RSU1: variants seen among roughly 807,000 people sequenced by gnomAD.
RSU1 encodes Ras suppressor protein 1.
In RSU1, 26 loss-of-function variants were observed where a neutral mutation model predicts 31.1. The ratio of observed to expected loss-of-function variants is 0.84; its 90% confidence interval spans 0.61 to 1.16. The LOEUF is 1.16. RSU1 is among the 50% of genes most tolerant of loss of function. The pLI is 0.00. For synonymous variants in RSU1, 164 were observed against 136.3 expected, an observed-to-expected ratio of 1.20 and a Z score of -1.41; for missense variants, 320 against 339.1, an observed-to-expected ratio of 0.94 and a Z score of 0.44.
rs77738803 is a variant in RSU1, at chr10:16,727,160, A to G, written c.598+25379T>C. 103 of 456,554 alleles carry G rather than the reference A, an allele frequency of 2.3e-4. 1 individual carries two copies. Among genetic ancestry groups the G allele is most frequent in the African/African-American group, 1.9e-3 (94 of 50,190 alleles). 28.3% of individuals were successfully genotyped at this position (456,554 alleles called of 1,614,324 possible). A position where few individuals can be genotyped will look rare whatever the true frequency, so the allele number is the denominator to read the frequency against. On this transcript the variant is annotated intron_variant, in intron 7 of 8. Coordinates refer to ENST00000345264, the MANE Select transcript of RSU1 (RefSeq NM_012425.4). ...CAGGATGTGGCCTCCCATCTTACCT[A>G]TAGTGACAGGAGTCATTGACTTCAG...
chr10:16,792,127 T>G (rs1432812929), intron 2 of RSU1, among the ~76,000 whole-genome samples: 1 of 152,190 alleles, frequency 6.6e-6, no homozygotes, highest in African/African-American at 2.4e-5. Flanking sequence ...AATGAAAGGT[T>G]CTGTAACGTT....
intron 8 of RSU1, 126 bp downstream of exon 8, chr10:16,694,897 A>T (rs1356560513): frequency 1.1e-6 from 1 of 900,214 alleles, no homozygotes; most frequent in Non-Finnish European, 1.6e-6. Context: ...GTTTTTAATA[A>T]AACATCTTAA....
chr10:16,754,654 G>T (rs1458298208), intron 5 of RSU1, among the ~76,000 whole-genome samples: 1 of 149,386 alleles, frequency 6.7e-6, no homozygotes, highest in Non-Finnish European at 1.5e-5. Context: ...ATGTTAATAT[G>T]ACATTACTAA....
intron 2 of RSU1, among the ~76,000 whole-genome samples, chr10:16,800,056 G>A (rs1838119269): frequency 6.6e-6 from 1 of 152,122 alleles, no homozygotes; most frequent in African/African-American, 2.4e-5. Context: ...TAAGAGAAAA[G>A]GGGAGGAAAA....
In RSU1 at chr10:16,640,324, C is replaced by T. The variant is rs190360679; in HGVS notation, c.732-46828G>A. On this transcript the variant is annotated intron_variant, in intron 8 of 8. Coordinates refer to ENST00000345264, the MANE Select transcript of RSU1 (RefSeq NM_012425.4). ...CACTTAGGTGCTGCCAAATTCTCAA[C>T]CCTAAGTAACTTTGTTAACCTCTTC... Among the ~76,000 whole-genome samples, 124 of 152,198 alleles carry T rather than the reference C, an allele frequency of 8.1e-4. 1 individual carries two copies. The highest frequency in any genetic ancestry group is 3.4e-3 in the Middle Eastern group (1 of 294).
intron 8 of RSU1, among the ~76,000 whole-genome samples, chr10:16,661,446 A>G (rs377415524): frequency 2.0e-5 from 3 of 152,264 alleles, no homozygotes; most frequent in East Asian, 3.9e-4. Context: ...GAGTTCCACC[A>G]ATTTGGAAAC....
chr10:16,677,321 G>C (rs969349337), intron 8 of RSU1, among the ~76,000 whole-genome samples: 2 of 152,158 alleles, frequency 1.3e-5, no homozygotes, highest in Non-Finnish European at 2.9e-5. Context: ...ATTCTGTAAA[G>C]AATTCACCAG....
chr10:16,806,258 T>C (rs1160067989), intron 2 of RSU1, among the ~76,000 whole-genome samples: 2 of 152,206 alleles, frequency 1.3e-5, no homozygotes, highest in Non-Finnish European at 2.9e-5. Flanking sequence ...CCATGGCTTC[T>C]AGAACATGAC....
chr10:16,646,061 T>TACAC lies in RSU1; in HGVS notation c.731+48958_731+48961dup, dbSNP rs57414227. Among the ~76,000 whole-genome samples, 16 of 78,954 alleles carry TACAC rather than the reference T, an allele frequency of 2.0e-4. 2 individuals are homozygous for TACAC. In the East Asian group the frequency reaches 4.5e-3, roughly 22 times the overall value. 51.8% of individuals were successfully genotyped at this position (78,954 alleles called of 152,430 possible). A position where few individuals can be genotyped will look rare whatever the true frequency, so the allele number is the denominator to read the frequency against. The stretch of plus-strand genomic sequence containing the variant: ...ATATACATATATGTGTATATATATA[T>TACAC]ACACACACACACACACACACACACA... On this transcript the variant is annotated intron_variant, in intron 8 of 8. Coordinates refer to ENST00000345264, the MANE Select transcript of RSU1 (RefSeq NM_012425.4).
chr10:16,805,225 T>C (rs1050217066), intron 2 of RSU1, among the ~76,000 whole-genome samples: 1 of 151,672 alleles, frequency 6.6e-6, no homozygotes, highest in Non-Finnish European at 1.5e-5. Flanking sequence ...ATAATAATAA[T>C]AACGCATCAA....
intron 3 of RSU1, among the ~76,000 whole-genome samples, chr10:16,770,150 T>C (rs1300688337): frequency 2.6e-5 from 4 of 151,840 alleles, no homozygotes; most frequent in African/African-American, 4.8e-5. Context: ...TGCAGCTGAT[T>C]TGGGGGCTTT....
At chr10:16,786,735 C>A (rs1377753156) in intron 2 of RSU1, among the ~76,000 whole-genome samples, 1 of 152,196 alleles carries the variant, frequency 6.6e-6, no homozygotes, top group Admixed American at 6.5e-5. Context: ...ATTTGTAATT[C>A]TCTCCTCTAA....
intron 8 of RSU1, among the ~76,000 whole-genome samples, chr10:16,683,185 T>TGTGTGTGTGTGTGTGTGTGTGTC (rs1835369101): frequency 1.4e-5 from 1 of 71,534 alleles, no homozygotes; most frequent in African/African-American, 6.7e-5. Context: ...GTGTGTGTGT[T>TGTGTGTGTGTGTGTGTGTGTGTC]GTGGTAGGGG....
chr10:16,764,467 G>T lies in RSU1; in HGVS notation c.204C>A (p.Leu68=), dbSNP rs1434460874. 1 of 1,613,824 alleles carries T rather than the reference G, an allele frequency of 6.2e-7. No homozygotes were observed. Among genetic ancestry groups the T allele is most frequent in the Non-Finnish European group, 8.5e-7 (1 of 1,179,970 alleles). ...CCTCGATTTGGTTATTAAAAAAGTT[G>T]AGCACCTCCAAATTCTTCAGTTCTG... is the stretch of plus-strand genomic sequence containing the variant. ...NIAELKNLEV[L]NFFNNQIEEL... Residue 68 remains leucine, a synonymous_variant, in exon 4 of 9, where the codon CTC becomes CTA. Transcript: ENST00000345264.
chr10:16,801,571 A>G (rs1242669414), intron 2 of RSU1, among the ~76,000 whole-genome samples: 1 of 152,124 alleles, frequency 6.6e-6, no homozygotes, highest in African/African-American at 2.4e-5. Context: ...AGACTACTCC[A>G]TCTAACAGAA....
At position 16,729,275 on chromosome 10, in the gene RSU1, G is replaced by A. The variant is rs531622895; in HGVS notation, c.598+23264C>T. Among the ~76,000 whole-genome samples, 9 of 152,252 alleles carry A rather than the reference G, an allele frequency of 5.9e-5. No individual in the cohort carries two copies. The South Asian group carries it at 6.2e-4, about 11-fold the overall frequency. The stretch of plus-strand genomic sequence containing the variant: ...CACAAGGCTAGGAAACATTATTAGT[G>A]ATATTGCAAAAACAAAAATACACTT... On this transcript the variant is annotated intron_variant, in intron 7 of 8. Transcript: ENST00000345264.
chr10:16,652,301 C>CT (rs1353685652), intron 8 of RSU1, among the ~76,000 whole-genome samples: 1 of 144,008 alleles, frequency 6.9e-6, no homozygotes, highest in Non-Finnish European at 1.5e-5. Context: ...AGAAGCATGT[C>CT]ATCAGTAAAA....
intron 8 of RSU1, among the ~76,000 whole-genome samples, chr10:16,675,020 G>C (rs1412317484): frequency 6.6e-6 from 1 of 151,830 alleles, no homozygotes; most frequent in Non-Finnish European, 1.5e-5. Context: ...GCGACAGAGT[G>C]AGACCCTGTA....
At position 16,709,174 on chromosome 10, in the gene RSU1, T is replaced by C. The variant is rs561104186; in HGVS notation, c.599-14019A>G. Among the ~76,000 whole-genome samples the C allele has an allele frequency of 3.8e-5, 5 of 132,756 alleles. No homozygotes were observed. The South Asian group carries it at 1.2e-3, about 33-fold the overall frequency. 87.1% of individuals were successfully genotyped at this position (132,756 alleles called of 152,430 possible). A position where few individuals can be genotyped will look rare whatever the true frequency, so the allele number is the denominator to read the frequency against. On this transcript the variant is annotated intron_variant, in intron 7 of 8. Coordinates refer to ENST00000345264, the MANE Select transcript of RSU1 (RefSeq NM_012425.4). ...CCCCACCCCACAACAGGCCCCAGAGTGTGATGTTCCCCTTCCCGTGTCCAT... is the reference window on the plus strand; with the variant it reads ...CCCCACCCCACAACAGGCCCCAGAGCGTGATGTTCCCCTTCCCGTGTCCAT...
Sources: allele counts gnomAD v4.1 joint callset (sites outside exome capture counted in the v4.1 genomes callset), GRCh38; gene constraint gnomAD v4.1.1; transcripts MANE v1.5; gene names NCBI Gene and HGNC (gene_info 2026-07-23, HGNC 2026-07-21).